ZNF331: variants seen among roughly 807,000 people sequenced by gnomAD.
ZNF331 encodes zinc finger protein 331, also known as C2H2-like zinc finger protein rearranged in thyroid adenomas.
ZNF331 carries 2 observed loss-of-function variants against 7.0 expected under a neutral mutation model. The observed-to-expected ratio is 0.29, with a 90% CI of 0.12 to 0.90. The LOEUF (loss-of-function observed/expected upper bound fraction) is 0.90, where lower values mean the gene tolerates loss of function less well. Ranked by LOEUF, ZNF331 falls within the 40% of genes least tolerant of loss-of-function variation. The pLI, the probability that ZNF331 is intolerant of heterozygous loss-of-function variation, is 0.58. For synonymous variants in ZNF331, 196 were observed against 205.4 expected (o/e 0.95, Z 0.39); for missense variants, 432 against 587.7 (o/e 0.74, Z 2.74).
chr19:53,577,121 C>T lies in ZNF331; in HGVS notation c.561C>T (p.Tyr187=), dbSNP rs759264828. The change falls in exon 6 of 6, where the codon TAC becomes TAT. Residue 187 remains tyrosine (Y), a synonymous_variant. Transcript: ENST00000449416. ...HQKIHTGEKP[Y]ECKDCGKAFR... is the part of the protein sequence containing the mutation. The stretch of plus-strand genomic sequence containing the variant: ...AAATTCATACTGGGGAGAAGCCCTA[C>T]GAATGTAAAGACTGTGGGAAGGCTT... The T allele has an allele frequency of 2.4e-5, 38 of 1,613,836 alleles. No homozygotes were observed. The highest frequency in any genetic ancestry group is 5.3e-5 in the African/African-American group (4 of 74,820).
At chr19:53,562,138 A>T (rs2089922604) in intron 3 of ZNF331, among the ~76,000 whole-genome samples, 1 of 151,894 alleles carries the variant, frequency 6.6e-6, no homozygotes, top group Admixed American at 6.6e-5. Flanking sequence ...GTAGAACAAG[A>T]CTCTGTCTCA....
At chr19:53,564,689 A>G (rs1480194899) in intron 3 of ZNF331, among the ~76,000 whole-genome samples, 2 of 152,226 alleles carry the variant, frequency 1.3e-5, no homozygotes, top group South Asian at 2.1e-4. Flanking sequence ...ATCATTATAT[A>G]ACATTATTTA....
At chr19:53,524,401 T>G (rs2087212533) in intron 2 of ZNF331, among the ~76,000 whole-genome samples, 1 of 152,230 alleles carries the variant, frequency 6.6e-6, no homozygotes, top group African/African-American at 2.4e-5. Flanking sequence ...GTGTTCCTGT[T>G]TCTCCACATC....
chr19:53,537,727 C>T (rs918961511), upstream of ZNF331: 2 of 152,296 alleles, frequency 1.3e-5, no homozygotes, highest in Non-Finnish European at 2.9e-5. Flanking sequence ...TCACCCTCTC[C>T]CGAGGCCCCA....
At chr19:53,514,804 C>A (rs1014146168), upstream of ZNF331, among the ~76,000 whole-genome samples, 38 of 152,118 alleles carry the variant, frequency 2.5e-4, no homozygotes, top group Admixed American at 7.2e-4. Flanking sequence ...AAGCCCGCCA[C>A]CACGCCCGGC....
chr19:53,506,301 C>T, the ZNF331 span, among the ~76,000 whole-genome samples: 2 of 111,900 alleles, frequency 1.8e-5, no homozygotes, highest in East Asian at 2.2e-4. Flanking sequence ...CGCCACCGCA[C>T]TCCAGCCTGG....
At chr19:53,543,215 A>G (rs1013190205) in intron 2 of ZNF331, among the ~76,000 whole-genome samples, 1 of 152,096 alleles carries the variant, frequency 6.6e-6, no homozygotes, top group African/African-American at 2.4e-5. Flanking sequence ...GCTTGAGCCC[A>G]CAAGTTCAAG....
intron 2 of ZNF331, among the ~76,000 whole-genome samples, chr19:53,523,102 ATG>A (rs1245339416): frequency 5.0e-5 from 7 of 141,038 alleles, no homozygotes; most frequent in Non-Finnish European, 1.5e-5. Context: ...TTTTATATAT[ATG>A]TATACATTAT....
the ZNF331 span, chr19:53,504,216 G>A: frequency 0.75 from 222,154 of 297,428 alleles, 79,796 homozygotes; most frequent in Admixed American, 0.8. Context: ...AGGTTTCCCA[G>A]CTGTCAGCCC....
chr19:53,559,333 GACAC>G lies in ZNF331; in HGVS notation c.-74+3431_-74+3434del, dbSNP rs767266436. Among the ~76,000 whole-genome samples, 403 of 141,842 alleles carry G rather than the reference GACAC, an allele frequency of 2.8e-3. 2 individuals are homozygous for G. The highest frequency in any genetic ancestry group is 1.0e-2 in the African/African-American group (378 of 37,914). The allele number at this position is 141,842 out of a possible 152,430, so 93.1% of individuals were successfully genotyped here. ...CCCCATGTACACACCTACATATAGA[GACAC>G]ACACATATACACACCATACACACAT... On this transcript the variant is annotated intron_variant, in intron 3 of 5. Transcript: ENST00000449416.
chr19:53,531,920 CTTTT>C (rs2087555636), intron 2 of ZNF331, among the ~76,000 whole-genome samples: 1 of 152,008 alleles, frequency 6.6e-6, no homozygotes, highest in African/African-American at 2.4e-5. Context: ...TATTTTTCTT[CTTTT>C]TATTTATTTA....
intron 2 of ZNF331, among the ~76,000 whole-genome samples, chr19:53,526,055 T>A (rs1393692361): frequency 6.6e-6 from 1 of 152,246 alleles, no homozygotes; most frequent in Admixed American, 6.5e-5. Flanking sequence ...TATCCTTCAT[T>A]CTGTTAATGT....
At chr19:53,515,602 A>G (rs748596356), upstream of ZNF331, among the ~76,000 whole-genome samples, 14 of 152,176 alleles carry the variant, frequency 9.2e-5, no homozygotes, top group Non-Finnish European at 1.5e-4. Context: ...GGTTCAAGCA[A>G]TTCTCCTGCC....
chr19:53,530,125 A>C (rs1442420284), intron 2 of ZNF331, among the ~76,000 whole-genome samples: 3 of 152,192 alleles, frequency 2.0e-5, no homozygotes, highest in Non-Finnish European at 4.4e-5. Context: ...CAGGCACGTC[A>C]CATGGCAAAA....
intron 2 of ZNF331, among the ~76,000 whole-genome samples, chr19:53,547,689 TTTTG>T (rs1261749200): frequency 1.3e-5 from 2 of 152,194 alleles, no homozygotes; most frequent in African/African-American, 2.4e-5. Context: ...ATGTTATTTT[TTTTG>T]TTTGTTTTTT....
At chr19:53,562,255 T>G (rs1555767586) in intron 3 of ZNF331, among the ~76,000 whole-genome samples, 2 of 152,142 alleles carry the variant, frequency 1.3e-5, no homozygotes, top group Non-Finnish European at 2.9e-5. Context: ...GCCTTACAAA[T>G]ATGGACTTTC....
chr19:53,579,617 A>C lies in ZNF331; in HGVS notation c.*1665A>C, dbSNP rs1600533542. The C allele has an allele frequency of 1.0e-5, 2 of 200,160 alleles. No homozygotes were observed. The highest frequency in any genetic ancestry group is 4.6e-5 in the African/African-American group (2 of 43,576). 12.4% of individuals were successfully genotyped at this position (200,160 alleles called of 1,614,324 possible). On this transcript the variant is annotated 3_prime_UTR_variant, in exon 6 of 6. Transcript: ENST00000449416. ...TTGCCATTAGTGAATTTTTACAAGAAAACTCCCTGTGGGTGCAATGAGTCT... is the reference window on the plus strand; with the variant it reads ...TTGCCATTAGTGAATTTTTACAAGACAACTCCCTGTGGGTGCAATGAGTCT...
At chr19:53,559,457 T>C (rs1004729091) in intron 3 of ZNF331, among the ~76,000 whole-genome samples, 7 of 149,742 alleles carry the variant, frequency 4.7e-5, no homozygotes, top group African/African-American at 1.7e-4. Context: ...TACACACATA[T>C]ATACACACCA....
chr19:53,554,866 T>C (rs2089274414), intron 2 of ZNF331: 1 of 152,272 alleles, frequency 6.6e-6, no homozygotes, highest in Admixed American at 6.6e-5. Flanking sequence ...CGGCAGTGCG[T>C]CCCCGGGACT....
Sources: allele counts gnomAD v4.1 joint callset (sites outside exome capture counted in the v4.1 genomes callset), GRCh38; gene constraint gnomAD v4.1.1; transcripts MANE v1.5; gene names NCBI Gene and HGNC (gene_info 2026-07-23, HGNC 2026-07-21).